The following FHIP1A variants were observed in gnomAD, a reference collection of about 807,000 sequenced individuals.
The protein encoded by FHIP1A is FHF complex subunit HOOK-interacting protein 1A.
FHIP1A carries 61 observed loss-of-function variants against 88.6 expected under a neutral mutation model. The observed-to-expected ratio is 0.69, with a 90% CI of 0.56 to 0.85. FHIP1A has a LOEUF of 0.85. Ranked by LOEUF, FHIP1A falls within the 40% of genes least tolerant of loss-of-function variation. The pLI, the probability that FHIP1A is intolerant of heterozygous loss-of-function variation, is 0.00. For synonymous variants in FHIP1A, 478 were observed against 496.0 expected, an observed-to-expected ratio of 0.96 and a Z score of 0.48; for missense variants, 1,154 against 1,273.5, an observed-to-expected ratio of 0.91 and a Z score of 1.43.
intron 5 of FHIP1A, among the ~76,000 whole-genome samples, chr4:151,578,924 A>G (rs1733921152): frequency 6.6e-6 from 1 of 152,196 alleles, no homozygotes; most frequent in Non-Finnish European, 1.5e-5. Flanking sequence ...GCTAAAAAGA[A>G]ATGAGCTGGT....
chr4:151,614,209 C>T (rs1360673178), intron 7 of FHIP1A, among the ~76,000 whole-genome samples: 2 of 149,532 alleles, frequency 1.3e-5, no homozygotes, highest in Non-Finnish European at 3.0e-5. Context: ...TGGCTCATGC[C>T]TCTAATCCCA....
chr4:151,613,826 C>T (rs1365959077), intron 7 of FHIP1A, among the ~76,000 whole-genome samples: 1 of 152,158 alleles, frequency 6.6e-6, no homozygotes, highest in Non-Finnish European at 1.5e-5. Flanking sequence ...GTGATTCTAA[C>T]ATGGAACTTG....
At chr4:151,515,396 GA>G (rs1480984494) in intron 3 of FHIP1A, among the ~76,000 whole-genome samples, 89 of 152,024 alleles carry the variant, frequency 5.9e-4, no homozygotes, top group Non-Finnish European at 1.0e-3. Flanking sequence ...AGTGGCACAA[GA>G]CAGGGATGCC....
chr4:151,647,247 A>C (rs1292595962), intron 10 of FHIP1A, among the ~76,000 whole-genome samples: 1 of 152,240 alleles, frequency 6.6e-6, no homozygotes, highest in Non-Finnish European at 1.5e-5. Flanking sequence ...AATACTTTAC[A>C]GGGGTTATGA....
At chr4:151,544,079 T>C (rs1732397243) in intron 3 of FHIP1A, among the ~76,000 whole-genome samples, 1 of 152,156 alleles carries the variant, frequency 6.6e-6, no homozygotes, top group Non-Finnish European at 1.5e-5. Context: ...CCCTGAGTAC[T>C]TATTTGGCTA....
intron 3 of FHIP1A, among the ~76,000 whole-genome samples, chr4:151,532,424 C>T (rs1268445028): frequency 6.6e-6 from 1 of 152,204 alleles, no homozygotes; most frequent in Non-Finnish European, 1.5e-5. Context: ...ACAAGGTACT[C>T]TTTCTTTTTC....
At chr4:151,527,259 C>T (rs1287104664) in intron 3 of FHIP1A, among the ~76,000 whole-genome samples, 4 of 152,186 alleles carry the variant, frequency 2.6e-5, no homozygotes, top group African/African-American at 9.6e-5. Context: ...AACGAGACTC[C>T]GTCTGCAATC....
chr4:151,458,829 C>G (rs1228812751), intron 2 of FHIP1A, among the ~76,000 whole-genome samples: 1 of 152,004 alleles, frequency 6.6e-6, no homozygotes, highest in East Asian at 1.9e-4. Flanking sequence ...ACCACAGAGT[C>G]GCTTTTCTTG....
intron 1 of FHIP1A, among the ~76,000 whole-genome samples, chr4:151,440,765 T>C (rs562868239): frequency 9.2e-5 from 14 of 152,308 alleles, no homozygotes; most frequent in African/African-American, 3.1e-4. Flanking sequence ...TACAAAATCA[T>C]AGCTTCTGTT....
chr4:151,566,314 G>T lies in FHIP1A; in HGVS notation c.55G>T (p.Gly19Ter). 1.9e-6 allele frequency: 3 copies of T among 1,550,962 alleles called. No homozygotes were observed. Among genetic ancestry groups the T allele is most frequent in the Non-Finnish European group, 2.6e-6 (3 of 1,146,416 alleles). ...SKLQQAVSLQ[G>*]VDPETCMIVF... The stretch of plus-strand genomic sequence containing the variant: ...ACTCCAGCAGGCTGTGAGCCTACAG[G>T]GAGTTGACCCAGAAACATGCATGAT... Residue 19 changes from glycine to a stop codon, truncating the protein, a stop_gained, in exon 4 of 14, where the codon GGA (glycine) becomes TGA (stop). Coordinates refer to ENST00000435205, the MANE Select transcript of FHIP1A (RefSeq NM_001109977.3). LOFTEE classifies it high-confidence loss of function.
intron 7 of FHIP1A, among the ~76,000 whole-genome samples, chr4:151,624,384 G>C (rs1477353811): frequency 6.6e-6 from 1 of 152,032 alleles, no homozygotes; most frequent in Non-Finnish European, 1.5e-5. Flanking sequence ...TGCCTCCCAC[G>C]TGTGCCTCTT....
intron 3 of FHIP1A, among the ~76,000 whole-genome samples, chr4:151,554,548 A>G (rs1732872432): frequency 6.6e-6 from 1 of 152,200 alleles, no homozygotes; most frequent in Non-Finnish European, 1.5e-5. Flanking sequence ...GGTTTAAGGC[A>G]GGTACTTAGT....
intron 3 of FHIP1A, among the ~76,000 whole-genome samples, chr4:151,502,352 A>T (rs1285763789): frequency 7.4e-6 from 1 of 134,518 alleles, no homozygotes; most frequent in Admixed American, 7.4e-5. Flanking sequence ...ACAAACAAAC[A>T]AACTAAAGGA....
chr4:151,635,366 C>T (rs1560812558), intron 8 of FHIP1A, among the ~76,000 whole-genome samples: 1 of 151,854 alleles, frequency 6.6e-6, no homozygotes, highest in Non-Finnish European at 1.5e-5. Flanking sequence ...AGCAATCCCA[C>T]TTCTGGGTAT....
chr4:151,505,719 G>A (rs1373300098), intron 3 of FHIP1A, among the ~76,000 whole-genome samples: 2 of 152,142 alleles, frequency 1.3e-5, no homozygotes, highest in African/African-American at 2.4e-5. Flanking sequence ...GTGTGAGCCT[G>A]TAGTCCCACC....
At position 151,577,932 on chromosome 4, in the gene FHIP1A, C is replaced by T. The variant is rs1284949348; in HGVS notation, c.588C>T (p.Leu196=). 2.3e-5 allele frequency: 35 copies of T among 1,551,698 alleles called. No individual in the cohort carries two copies. Among genetic ancestry groups the T allele is most frequent in the Non-Finnish European group, 2.9e-5 (33 of 1,146,990 alleles). Reference sequence around the variant, plus strand: ...AAGACCAAGGCGCTGCCAACTTCCTCATCTTCTCCCTTCTGATTCCCTTCA... The same window carrying T: ...AAGACCAAGGCGCTGCCAACTTCCTTATCTTCTCCCTTCTGATTCCCTTCA... ...TSEDQGAANF[L]IFSLLIPFIH... is the part of the protein sequence containing the mutation. Residue 196 remains leucine, a synonymous_variant, in exon 5 of 14, where the codon CTC becomes CTT. Transcript: ENST00000435205.
chr4:151,460,721 T>C (rs546869565), intron 2 of FHIP1A, among the ~76,000 whole-genome samples: 95 of 152,314 alleles, frequency 6.2e-4, no homozygotes, highest in Non-Finnish European at 1.1e-3. Flanking sequence ...CTGCTTAAAA[T>C]TTTTCATTTC....
At chr4:151,488,912 G>A (rs924339660) in intron 3 of FHIP1A, among the ~76,000 whole-genome samples, 1 of 152,210 alleles carries the variant, frequency 6.6e-6, no homozygotes, top group South Asian at 2.1e-4. Flanking sequence ...AGCTGGTGGA[G>A]AGAGAGTGGG....
chr4:151,522,946 G>A (rs556960260), intron 3 of FHIP1A, among the ~76,000 whole-genome samples: 30 of 152,282 alleles, frequency 2.0e-4, no homozygotes, highest in African/African-American at 7.0e-4. Context: ...TTAGCTGTCA[G>A]GGGTTTGTGA....
Sources: allele counts gnomAD v4.1 joint callset (sites outside exome capture counted in the v4.1 genomes callset), GRCh38; gene constraint gnomAD v4.1.1; transcripts MANE v1.5; gene names NCBI Gene and HGNC (gene_info 2026-07-23, HGNC 2026-07-21).